KIF16B: variants seen among roughly 807,000 people sequenced by gnomAD.
The protein encoded by KIF16B is kinesin family member 16B.
In KIF16B, 98 loss-of-function variants were observed where a neutral mutation model predicts 156.3. The ratio of observed to expected loss-of-function variants is 0.63; its 90% confidence interval spans 0.53 to 0.74. The LOEUF (loss-of-function observed/expected upper bound fraction) is 0.74, where lower values mean the gene tolerates loss of function less well. Among genes scored for constraint, KIF16B ranks in the 30% least tolerant of loss-of-function variants. The pLI, the probability that KIF16B is intolerant of heterozygous loss-of-function variation, is 0.00. For missense variants in KIF16B, 1,421 were observed against 1,606.5 expected (o/e 0.88, Z 1.97); for synonymous variants, 564 against 583.7 (o/e 0.97, Z 0.49).
chr20:16,527,661 T>G (rs557242638), intron 2 of KIF16B, among the ~76,000 whole-genome samples: 1 of 152,294 alleles, frequency 6.6e-6, no homozygotes, highest in South Asian at 2.1e-4. Context: ...ACTGTAGCCT[T>G]GATCTCCTGG....
At chr20:16,412,520 T>C (rs758107018) in intron 15 of KIF16B, among the ~76,000 whole-genome samples, 2 of 152,308 alleles carry the variant, frequency 1.3e-5, no homozygotes, top group Non-Finnish European at 2.9e-5. Flanking sequence ...CAGTTCAGCA[T>C]AGCTGAAGAG....
chr20:16,380,805 T>C (rs1164515761), intron 18 of KIF16B, among the ~76,000 whole-genome samples: 1 of 152,250 alleles, frequency 6.6e-6, no homozygotes, highest in African/African-American at 2.4e-5. Context: ...GGTGACATGT[T>C]GTGTTTTCTG....
chr20:16,282,229 C>T (rs1192669009), intron 25 of KIF16B, among the ~76,000 whole-genome samples: 1 of 151,840 alleles, frequency 6.6e-6, no homozygotes, highest in Non-Finnish European at 1.5e-5. Flanking sequence ...GATGGGGTTT[C>T]ACCATGCTGG....
chr20:16,326,624 C>T (rs936540709), intron 24 of KIF16B, among the ~76,000 whole-genome samples: 5 of 151,926 alleles, frequency 3.3e-5, no homozygotes, highest in Non-Finnish European at 5.9e-5. Context: ...AATGCGATAC[C>T]ACCTTACTCC....
intron 18 of KIF16B, among the ~76,000 whole-genome samples, chr20:16,381,006 A>G (rs975984934): frequency 2.6e-5 from 4 of 152,232 alleles, no homozygotes; most frequent in African/African-American, 9.6e-5. Flanking sequence ...CCTACTAAAT[A>G]AACATTTACT....
intron 17 of KIF16B, among the ~76,000 whole-genome samples, chr20:16,387,882 G>C (rs1327780997): frequency 2.1e-5 from 3 of 145,700 alleles, no homozygotes; most frequent in Non-Finnish European, 4.5e-5. Context: ...ATGGAGAAGG[G>C]GAAGTACGTG....
intron 25 of KIF16B, among the ~76,000 whole-genome samples, chr20:16,298,870 A>G (rs1019536717): frequency 3.3e-5 from 5 of 152,032 alleles, no homozygotes; most frequent in African/African-American, 1.2e-4. Flanking sequence ...TCAACAGGTA[A>G]ATGACATGCT....
intron 12 of KIF16B, 58 bp downstream of exon 12, chr20:16,494,233 A>G: frequency 9.5e-7 from 1 of 1,057,848 alleles, no homozygotes; most frequent in South Asian, 1.4e-5. Context: ...AAAAAAAAAA[A>G]AAGTTTTACC....
intron 3 of KIF16B, among the ~76,000 whole-genome samples, chr20:16,518,027 C>A (rs2069199767): frequency 6.6e-6 from 1 of 152,106 alleles, no homozygotes. Context: ...AGAAAGTTAA[C>A]CCAGGCGGTT....
At chr20:16,360,014 A>G (rs2064522036) in intron 22 of KIF16B, among the ~76,000 whole-genome samples, 2 of 152,216 alleles carry the variant, frequency 1.3e-5, no homozygotes, top group African/African-American at 4.8e-5. Flanking sequence ...ACTAAATATT[A>G]ATGAGTGTAC....
intron 3 of KIF16B, among the ~76,000 whole-genome samples, chr20:16,516,186 G>A (rs1162877927): frequency 1.3e-5 from 2 of 152,154 alleles, no homozygotes; most frequent in Non-Finnish European, 2.9e-5. Context: ...CTGTAGATGA[G>A]GATGGGGTGC....
intron 24 of KIF16B, among the ~76,000 whole-genome samples, chr20:16,316,353 A>C (rs2063697603): frequency 6.6e-6 from 1 of 152,236 alleles, no homozygotes; most frequent in African/African-American, 2.4e-5. Context: ...AACTAGAAGT[A>C]TCTTATATTT....
intron 12 of KIF16B, among the ~76,000 whole-genome samples, chr20:16,438,014 G>A (rs1253967618): frequency 6.6e-6 from 1 of 151,730 alleles, no homozygotes. Context: ...AGGTGTGGTG[G>A]CGTGCACCTG....
In KIF16B at chr20:16,322,661, G is replaced by A. The variant is rs532272686; in HGVS notation, c.3712-10243C>T. ...GATTTTTCTCTTTCTGATTCCCGGT[G>A]AACTGACACAGCCCAATTTTCTTCT... On this transcript the variant is annotated intron_variant, in intron 24 of 25. Coordinates refer to ENST00000354981, the MANE Select transcript of KIF16B (RefSeq NM_024704.5). 1.4e-3 allele frequency among the ~76,000 whole-genome samples: 214 copies of A among 151,918 alleles called. 1 individual carries two copies. Among genetic ancestry groups the A allele is most frequent in the Non-Finnish European group, 1.2e-3 (79 of 67,882 alleles).
Position 16,413,255 on chromosome 20 carries a change from CT to C in KIF16B, c.1613-6800del, listed in dbSNP as rs141485586. On this transcript the variant is annotated intron_variant, in intron 15 of 25. Coordinates refer to ENST00000354981, the MANE Select transcript of KIF16B (RefSeq NM_024704.5). ...CAAAGACAGACAAATTCCAGAGAGT[CT>C]TCAGAGGGGATGGAGGGGACATGAC... Among the ~76,000 whole-genome samples, 757 of 152,136 alleles carry C rather than the reference CT, an allele frequency of 5.0e-3. 3 individuals carry two copies. The highest frequency in any genetic ancestry group is 0.017 in the African/African-American group (712 of 41,504).
intron 19 of KIF16B, among the ~76,000 whole-genome samples, chr20:16,376,518 A>G (rs894757208): frequency 1.3e-5 from 2 of 152,246 alleles, no homozygotes; most frequent in Non-Finnish European, 2.9e-5. Flanking sequence ...AAAATGAAGC[A>G]CAACAGAAAT....
chr20:16,464,866 G>A (rs551604966), intron 12 of KIF16B, among the ~76,000 whole-genome samples: 5 of 152,296 alleles, frequency 3.3e-5, no homozygotes, highest in African/African-American at 1.2e-4. Context: ...CCAAGGGTTA[G>A]AGATTAATTC....
At position 16,511,446 on chromosome 20, in the gene KIF16B, C is replaced by T. The variant is rs769027489; in HGVS notation, c.528G>A (p.Glu176=). Residue 176 remains glutamate (E), a synonymous_variant, in exon 6 of 26, where the codon GAG becomes GAA. Coordinates refer to ENST00000354981, the MANE Select transcript of KIF16B (RefSeq NM_024704.5). ...CAACATAAGGGCCTTCTTTGGGATG[C>T]TCACGGACTCTCAAATTGAAGGTTT... The part of the protein sequence containing the change: ...SSKTFNLRVR[E]HPKEGPYVED... 6.2e-7 allele frequency: 1 copy of T among 1,609,564 alleles called. No individual in the cohort carries two copies. The highest frequency in any genetic ancestry group is 8.5e-7 in the Non-Finnish European group (1 of 1,176,598).
chr20:16,284,247 T>C (rs1362948868), intron 25 of KIF16B, among the ~76,000 whole-genome samples: 1 of 152,324 alleles, frequency 6.6e-6, no homozygotes, highest in East Asian at 1.9e-4. Context: ...TGTAAGGACC[T>C]AATTGTACCT....
Sources: allele counts gnomAD v4.1 joint callset (sites outside exome capture counted in the v4.1 genomes callset), GRCh38; gene constraint gnomAD v4.1.1; transcripts MANE v1.5; gene names NCBI Gene and HGNC (gene_info 2026-07-23, HGNC 2026-07-21).